ZNF280A: variants seen among roughly 807,000 people sequenced by gnomAD.
ZNF280A encodes the protein suppressor of hairy wing homolog 1.
ZNF280A carries 26 observed loss-of-function variants against 35.9 expected under a neutral mutation model. That is an observed-to-expected ratio of 0.72 (90% CI 0.53 to 1.01). The LOEUF is 1.01. ZNF280A is among the 50% of genes least tolerant of loss of function. The pLI, the probability that ZNF280A is intolerant of heterozygous loss-of-function variation, is 0.00. For missense variants in ZNF280A, 654 were observed against 652.0 expected (o/e 1.00, Z -0.03); for synonymous variants, 231 against 232.9 (o/e 0.99, Z 0.07).
At position 22,513,909 on chromosome 22, in the gene ZNF280A, G is replaced by T; in HGVS notation, c.*93C>A. 1 of 752,826 alleles carries T rather than the reference G, an allele frequency of 1.3e-6. No individual in the cohort carries two copies. The highest frequency in any genetic ancestry group is 2.3e-6 in the Non-Finnish European group (1 of 441,202). 46.6% of individuals were successfully genotyped at this position (752,826 alleles called of 1,614,324 possible). On this transcript the variant is annotated 3_prime_UTR_variant, in exon 2 of 2. Transcript: ENST00000302097. ...TGTAAAAAACAACCTGACAGTTGAT[G>T]ACATTGCTTGCTAGCATCTACAGCC...
Position 22,514,209 on chromosome 22 carries a change from A to G in ZNF280A, c.1422T>C (p.His474=). The G allele has an allele frequency of 2.5e-6, 4 of 1,613,698 alleles. No individual in the cohort carries two copies. Among genetic ancestry groups the G allele is most frequent in the Non-Finnish European group, 3.4e-6 (4 of 1,179,930 alleles). The change falls in exon 2 of 2, where the codon CAT becomes CAC. Residue 474 remains histidine (H), a synonymous_variant. Transcript: ENST00000302097. ...GTTGCTCCGGCTTTTTAAATGTTTGATGGTCCTTGGTTTTGTGCTCTATTT... is the reference window on the plus strand; with the variant it reads ...GTTGCTCCGGCTTTTTAAATGTTTGGTGGTCCTTGGTTTTGTGCTCTATTT... The part of the protein sequence containing the change: ...KEEIEHKTKD[H]QTFKKPEQLQ...
Position 22,514,612 on chromosome 22 carries a change from T to C in ZNF280A, c.1019A>G (p.His340Arg). 1 of 1,613,944 alleles carries C rather than the reference T, an allele frequency of 6.2e-7. No individual in the cohort carries two copies. Among genetic ancestry groups the C allele is most frequent in the South Asian group, 1.1e-5 (1 of 91,080 alleles). The change falls in exon 2 of 2, where the codon CAC (histidine) becomes CGC (arginine). Residue 340 changes from histidine to arginine, a missense_variant. By Grantham distance (29) the His-to-Arg change is conservative. Coordinates refer to ENST00000302097, the MANE Select transcript of ZNF280A (RefSeq NM_080740.5). ...WEDHTTCQHC[H>R]RQFPTPFQLQ... The stretch of plus-strand genomic sequence containing the variant: ...CTGGAAGGGAGTGGGAAACTGCCGG[T>C]GGCAGTGCTGGCAGGTGGTGTGGTC...
rs146604079 is a variant in ZNF280A at position 22,514,054 on chromosome 22, G to A, written c.1577C>T (p.Thr526Met). 284 of 1,608,806 alleles carry A rather than the reference G, an allele frequency of 1.8e-4. No homozygotes were observed. The highest frequency in any genetic ancestry group is 2.1e-4 in the Non-Finnish European group (247 of 1,177,528). Reference sequence around the variant, plus strand: ...TCTGGAATCTCTAGTGTTCATAGCCGTCTTCTTTTTAGTTTTTACAGGAGA... The same window carrying A: ...TCTGGAATCTCTAGTGTTCATAGCCATCTTCTTTTTAGTTTTTACAGGAGA... Reference protein sequence around the residue: ...QSSPVKTKKKTAMNTRDSRLP... With the variant: ...QSSPVKTKKKMAMNTRDSRLP... Residue 526 changes from threonine to methionine, a missense_variant, in exon 2 of 2, where the codon ACG (threonine) becomes ATG (methionine). Coordinates refer to ENST00000302097, the MANE Select transcript of ZNF280A (RefSeq NM_080740.5).
intron 1 of ZNF280A, among the ~76,000 whole-genome samples, chr22:22,518,131 T>G (rs897424448): frequency 8.6e-5 from 13 of 151,832 alleles, no homozygotes; most frequent in Non-Finnish European, 1.8e-4. Flanking sequence ...TTCACCGTGT[T>G]AGCCAGGATG....
At position 22,515,457 on chromosome 22, in the gene ZNF280A, G is replaced by C. The variant is rs777064424; in HGVS notation, c.174C>G (p.Val58=). 1 of 1,613,786 alleles carries C rather than the reference G, an allele frequency of 6.2e-7. No individual in the cohort carries two copies. The highest frequency in any genetic ancestry group is 8.5e-7 in the Non-Finnish European group (1 of 1,179,962). The change falls in exon 2 of 2, where the codon GTC becomes GTG. Residue 58 remains valine (V), a synonymous_variant. Coordinates refer to ENST00000302097, the MANE Select transcript of ZNF280A (RefSeq NM_080740.5). ...TGACTCTGTTCAAAATGTTTGAAAC[G>C]ACTGGTTTTGAATTTGAAATCATCC... ...FVGMISNSKP[V]VSNILNRVTP...
At position 22,515,522 on chromosome 22, in the gene ZNF280A, C is replaced by G. The variant is rs112514328; in HGVS notation, c.109G>C (p.Val37Leu). 4 of 1,613,876 alleles carry G rather than the reference C, an allele frequency of 2.5e-6. No individual in the cohort carries two copies. Among genetic ancestry groups the G allele is most frequent in the Middle Eastern group, 1.7e-4 (1 of 6,052 alleles). The change falls in exon 2 of 2, where the codon GTG (valine) becomes CTG (leucine). Residue 37 changes from valine (V) to leucine (L), a missense_variant. By Grantham distance (32) the Val-to-Leu change is conservative. Coordinates refer to ENST00000302097, the MANE Select transcript of ZNF280A (RefSeq NM_080740.5). ...DEDPDLIYVG[V>L]EHVHRDAEVL... ...TCAGCATCTCTATGTACATGCTCCACCCCAACATAGATCAGATCTGGATCT... is the reference window on the plus strand; with the variant it reads ...TCAGCATCTCTATGTACATGCTCCAGCCCAACATAGATCAGATCTGGATCT...
chr22:22,517,978 G>T (rs1298010780), intron 1 of ZNF280A, among the ~76,000 whole-genome samples: 1 of 147,632 alleles, frequency 6.8e-6, no homozygotes, highest in Non-Finnish European at 1.5e-5. Context: ...AGGCTGGAGT[G>T]CAGTGGTGCG....
At chr22:22,516,850 C>T (rs1388113586) in intron 1 of ZNF280A, among the ~76,000 whole-genome samples, 1 of 151,872 alleles carries the variant, frequency 6.6e-6, no homozygotes, top group Admixed American at 6.6e-5. Flanking sequence ...AGATTAACCC[C>T]ATCTGGGCTC....
At chr22:22,516,361 G>T (rs375251771) in intron 1 of ZNF280A, among the ~76,000 whole-genome samples, 1 of 151,386 alleles carries the variant, frequency 6.6e-6, no homozygotes. Flanking sequence ...AAACTCAGTT[G>T]CTCAGTCTAC....
At position 22,513,981 on chromosome 22, in the gene ZNF280A, G is replaced by C. The variant is rs1023835565; in HGVS notation, c.*21C>G. 7.2e-7 allele frequency: 1 copy of C among 1,384,194 alleles called. No homozygotes were observed. Among genetic ancestry groups the C allele is most frequent in the African/African-American group, 1.4e-5 (1 of 69,112 alleles). The allele number at this position is 1,384,194 out of a possible 1,614,324, so 85.7% of individuals were successfully genotyped here. ...CTCACTTCTGCCTTTCGGAACTCCT[G>C]GAAGTCAGTCGAACATATTTTCAGC... On this transcript the variant is annotated 3_prime_UTR_variant, in exon 2 of 2. Coordinates refer to ENST00000302097, the MANE Select transcript of ZNF280A (RefSeq NM_080740.5).
At position 22,515,311 on chromosome 22, in the gene ZNF280A, TCAGA is replaced by T. The variant is rs1427911512; in HGVS notation, c.316_319del (p.Ser106ArgfsTer11). The T allele has an allele frequency of 1.2e-6, 2 of 1,613,740 alleles. No homozygotes were observed. Among genetic ancestry groups the T allele is most frequent in the Non-Finnish European group, 8.5e-7 (1 of 1,179,966 alleles). On this transcript the variant is annotated frameshift_variant, in exon 2 of 2. Coordinates refer to ENST00000302097, the MANE Select transcript of ZNF280A (RefSeq NM_080740.5). LOFTEE classifies it high-confidence loss of function. ...GACAGGACTATCTGTCGATCGCCCC[TCAGA>T]CAGAGAAACCGGCATGATGGCTTTT...
chr22:22,516,950 A>G (rs760612046), intron 1 of ZNF280A, among the ~76,000 whole-genome samples: 67 of 151,932 alleles, frequency 4.4e-4, no homozygotes, highest in Non-Finnish European at 8.8e-4. Flanking sequence ...CATATGTTCA[A>G]ACCCTCAATG....
At position 22,514,152 on chromosome 22, in the gene ZNF280A, A is replaced by C. The variant is rs2062040597; in HGVS notation, c.1479T>G (p.Ile493Met). ...ATCCTGGCTGAACTGAAGTTTGAAT[A>C]ATAACTTTTGTTTCACTAGGCAACC... ...LQGLPSETKV[I>M]IQTSVQPGSS... Residue 493 changes from isoleucine to methionine, a missense_variant, in exon 2 of 2, where the codon ATT becomes ATG. Ile to Met is a conservative substitution (Grantham distance 10, BLOSUM62 1). Transcript: ENST00000302097. 3 of 1,613,802 alleles carry C rather than the reference A, an allele frequency of 1.9e-6. No homozygotes were observed. The South Asian group carries it at 3.3e-5, about 18-fold the overall frequency.
Position 22,514,157 on chromosome 22 carries a change from CTT to C in ZNF280A, c.1472_1473del (p.Lys491SerfsTer20), listed in dbSNP as rs755610232. 6 of 1,613,902 alleles carry C rather than the reference CTT, an allele frequency of 3.7e-6. No homozygotes were observed. The highest frequency in any genetic ancestry group is 5.1e-6 in the Non-Finnish European group (6 of 1,179,982). ...EQLQGLPSETKVIIQTSVQPG... is the reference protein window; with the variant it reads ...EQLQGLPSETXVIIQTSVQPG... The stretch of plus-strand genomic sequence containing the variant: ...GGCTGAACTGAAGTTTGAATAATAA[CTT>C]TTGTTTCACTAGGCAACCCTTGCAG... On this transcript the variant is annotated frameshift_variant, in exon 2 of 2. Transcript: ENST00000302097. LOFTEE classifies it high-confidence loss of function.
chr22:22,517,003 T>C (rs1049826659), intron 1 of ZNF280A, among the ~76,000 whole-genome samples: 1 of 151,872 alleles, frequency 6.6e-6, no homozygotes, highest in East Asian at 2.0e-4. Context: ...CCACACAATA[T>C]GTAAAATATA....
At chr22:22,517,180 A>G (rs361671) in intron 1 of ZNF280A, among the ~76,000 whole-genome samples, 76,080 of 151,524 alleles carry the variant, frequency 0.5, 21,294 homozygotes, top group African/African-American at 0.74. Flanking sequence ...GCCAAGGCGG[A>G]AGGATTGCTT....
intron 1 of ZNF280A, among the ~76,000 whole-genome samples, chr22:22,516,585 G>A (rs1475937511): frequency 1.3e-5 from 2 of 151,828 alleles, no homozygotes; most frequent in Non-Finnish European, 2.9e-5. Context: ...CCCCATGGTG[G>A]CCCCAATGCC....
chr22:22,514,829 T>A lies in ZNF280A; in HGVS notation c.802A>T (p.Lys268Ter). ...AGTAACACGATGGGATTTTCTTTCTTGGGATCAAAGGTCTTGTTTTGACTT... is the reference window on the plus strand; with the variant it reads ...AGTAACACGATGGGATTTTCTTTCTAGGGATCAAAGGTCTTGTTTTGACTT... Reference protein sequence around the residue: ...LASQNKTFDPKKENPIVLLSD... With the variant: ...LASQNKTFDP Residue 268 changes from lysine (K) to a stop codon, truncating the protein, a stop_gained, in exon 2 of 2, where the codon AAG (lysine) becomes TAG (stop). Coordinates refer to ENST00000302097, the MANE Select transcript of ZNF280A (RefSeq NM_080740.5). LOFTEE classifies it high-confidence loss of function. 1 of 1,613,940 alleles carries A rather than the reference T, an allele frequency of 6.2e-7. No homozygotes were observed. Among genetic ancestry groups the A allele is most frequent in the Non-Finnish European group, 8.5e-7 (1 of 1,179,986 alleles).
At position 22,514,564 on chromosome 22, in the gene ZNF280A, A is replaced by T; in HGVS notation, c.1067T>A (p.Val356Glu). The change falls in exon 2 of 2, where the codon GTA becomes GAA. Residue 356 changes from valine to glutamate, a missense_variant. Physicochemically the swap from Val to Glu is moderately radical, Grantham distance 121. Coordinates refer to ENST00000302097, the MANE Select transcript of ZNF280A (RefSeq NM_080740.5). Reference sequence around the variant, plus strand: ...AGCAGAGGGCCCCATGGCGATGTGTACACTATCAATGTGACACTGTAGCTG... The same window carrying T: ...AGCAGAGGGCCCCATGGCGATGTGTTCACTATCAATGTGACACTGTAGCTG... ...PFQLQCHIDS[V>E]HIAMGPSAVC... 6.2e-7 allele frequency: 1 copy of T among 1,613,928 alleles called. No homozygotes were observed. The highest frequency in any genetic ancestry group is 8.5e-7 in the Non-Finnish European group (1 of 1,179,994).
Sources: gnomAD v4.1 joint callset for allele counts (sites outside exome capture counted in the v4.1 genomes callset) on GRCh38, gnomAD v4.1.1 for gene constraint, MANE v1.5 for transcripts, NCBI Gene and HGNC (gene_info 2026-07-23, HGNC 2026-07-21) for gene names.